The following ARHGAP15 variants were observed in gnomAD, a reference collection of about 807,000 sequenced individuals.
ARHGAP15 encodes the protein rho GTPase-activating protein 15.
In ARHGAP15, 51 loss-of-function variants were observed where a neutral mutation model predicts 63.7. The ratio of observed to expected loss-of-function variants is 0.80; its 90% CI spans 0.64 to 1.01. The LOEUF (loss-of-function observed/expected upper bound fraction) is 1.01, where lower values mean the gene tolerates loss of function less well. ARHGAP15 is among the 50% of genes least tolerant of loss of function. ARHGAP15 has a pLI of 0.00. For missense variants in ARHGAP15, 560 were observed against 564.6 expected, an observed-to-expected ratio of 0.99 and a Z score of 0.08; for synonymous variants, 191 against 193.8, an observed-to-expected ratio of 0.99 and a Z score of 0.12.
At chr2:143,330,080 G>T in intron 6 of ARHGAP15, among the ~76,000 whole-genome samples, 1 of 62,634 alleles carries the variant, frequency 1.6e-5, no homozygotes, top group Admixed American at 2.1e-4. Context: ...GGGTGACAGA[G>T]CAAGGCTCTG....
chr2:143,760,470 T>C (rs1234864716), intron 13 of ARHGAP15, among the ~76,000 whole-genome samples: 1 of 152,204 alleles, frequency 6.6e-6, no homozygotes, highest in Non-Finnish European at 1.5e-5. Flanking sequence ...AAATAAATTA[T>C]AAATTGAAGC....
At chr2:143,515,066 G>A (rs1693751193) in intron 9 of ARHGAP15, among the ~76,000 whole-genome samples, 1 of 152,128 alleles carries the variant, frequency 6.6e-6, no homozygotes, top group South Asian at 2.1e-4. Context: ...AAGAAGGATT[G>A]TGCACAGTGA....
intron 11 of ARHGAP15, among the ~76,000 whole-genome samples, chr2:143,600,344 C>T (rs1325637055): frequency 1.3e-5 from 2 of 152,132 alleles, no homozygotes; most frequent in Admixed American, 1.3e-4. Flanking sequence ...CACAGGGCCA[C>T]ATACTGTATT....
At chr2:143,397,320 GT>G (rs1687808168) in intron 6 of ARHGAP15, among the ~76,000 whole-genome samples, 2 of 141,194 alleles carry the variant, frequency 1.4e-5, no homozygotes, top group Admixed American at 7.6e-5. Flanking sequence ...ATATGTATGT[GT>G]GTGTGTGTGT....
At position 143,250,735 on chromosome 2, in the gene ARHGAP15, C is replaced by A. The variant is rs1478528361; in HGVS notation, c.474+135C>A. ...GTTGTCTGAAGGTCATGAAAGGCGA[C>A]TCCTCTTCCCAGTTGAATCTTTGGT... On this transcript the variant is annotated intron_variant, in intron 6 of 13. Transcript: ENST00000295095. 1.1e-5 allele frequency: 7 copies of A among 653,486 alleles called. No homozygotes were observed. The Admixed American group carries it at 1.2e-4, about 12-fold the overall frequency. 40.5% of individuals were successfully genotyped at this position (653,486 alleles called of 1,614,324 possible).
At chr2:143,723,521 C>A (rs1488967226) in intron 13 of ARHGAP15, among the ~76,000 whole-genome samples, 1 of 152,136 alleles carries the variant, frequency 6.6e-6, no homozygotes, top group East Asian at 1.9e-4. Flanking sequence ...ATATGAATCT[C>A]CACAAAGGAC....
chr2:143,419,529 G>A (rs1474562367), intron 6 of ARHGAP15, among the ~76,000 whole-genome samples: 8 of 151,650 alleles, frequency 5.3e-5, no homozygotes, highest in African/African-American at 1.5e-4. Flanking sequence ...CAAAATGTTA[G>A]GAAGTCATTA....
At chr2:143,674,984 G>A (rs1471359126) in intron 12 of ARHGAP15, among the ~76,000 whole-genome samples, 5 of 152,148 alleles carry the variant, frequency 3.3e-5, no homozygotes, top group Admixed American at 6.5e-5. Flanking sequence ...TTGCTCTAGC[G>A]TGCAGTGCCG....
intron 6 of ARHGAP15, among the ~76,000 whole-genome samples, chr2:143,302,528 T>G (rs1033518946): frequency 6.6e-6 from 1 of 152,010 alleles, no homozygotes; most frequent in Non-Finnish European, 1.5e-5. Context: ...CTTATTTAAC[T>G]TAGTGGCACA....
At chr2:143,516,316 T>C (rs1246799681) in intron 9 of ARHGAP15, among the ~76,000 whole-genome samples, 1 of 152,218 alleles carries the variant, frequency 6.6e-6, no homozygotes, top group Non-Finnish European at 1.5e-5. Flanking sequence ...TGCTGTTGTC[T>C]GTATCTTCTC....
At chr2:143,208,584 C>T (rs73962374) in intron 3 of ARHGAP15, among the ~76,000 whole-genome samples, 3,654 of 152,126 alleles carry the variant, frequency 0.024, 156 homozygotes, top group African/African-American at 0.083. Context: ...CATAGGGTTT[C>T]GGTAGAAGAG....
At chr2:143,269,913 A>G (rs1007990795) in intron 6 of ARHGAP15, among the ~76,000 whole-genome samples, 21 of 152,288 alleles carry the variant, frequency 1.4e-4, no homozygotes, top group African/African-American at 4.6e-4. Flanking sequence ...AATGAGGTAC[A>G]TATGTTTTGT....
chr2:143,385,969 C>CATAAATAAATACT (rs1687271012), intron 6 of ARHGAP15, among the ~76,000 whole-genome samples: 1 of 152,062 alleles, frequency 6.6e-6, no homozygotes, highest in Non-Finnish European at 1.5e-5. Context: ...CTCTGAACTA[C>CATAAATAAATACT]ATAAATAAAT....
intron 8 of ARHGAP15, 42 bp from the exon 9 acceptor site, chr2:143,487,331 G>T (rs1251309432): frequency 4.4e-6 from 7 of 1,581,066 alleles, no homozygotes; most frequent in African/African-American, 1.4e-5. Flanking sequence ...TAATCATAAA[G>T]GAGAAATTTA....
chr2:143,751,224 C>T lies in ARHGAP15; in HGVS notation c.1245-16765C>T, dbSNP rs114892521. Among the ~76,000 whole-genome samples the T allele has an allele frequency of 2.4e-3, 373 of 152,270 alleles. 4 individuals are homozygous for T. The highest frequency in any genetic ancestry group is 0.019 in the South Asian group (90 of 4,826). On this transcript the variant is annotated intron_variant, in intron 13 of 13. Coordinates refer to ENST00000295095, the MANE Select transcript of ARHGAP15 (RefSeq NM_018460.4). Reference sequence around the variant, plus strand: ...ATCCAGGGCCCATCACAGTTGTCTCCGGGAGGATGAAGATGGCTTGGCCTT... The same window carrying T: ...ATCCAGGGCCCATCACAGTTGTCTCTGGGAGGATGAAGATGGCTTGGCCTT...
chr2:143,220,031 T>C lies in ARHGAP15; in HGVS notation c.296+3586T>C, dbSNP rs1046245098. Among the ~76,000 whole-genome samples, 14 of 152,296 alleles carry C rather than the reference T, an allele frequency of 9.2e-5. No homozygotes were observed. The East Asian group carries it at 2.3e-3, about 25-fold the overall frequency. ...TTTTATTGTAAATACAAATTGAACA[T>C]TGTATATGTAATCACCATGTTTAAG... On this transcript the variant is annotated intron_variant, in intron 4 of 13. Transcript: ENST00000295095.
chr2:143,374,484 A>G (rs1686716305), intron 6 of ARHGAP15, among the ~76,000 whole-genome samples: 1 of 151,952 alleles, frequency 6.6e-6, no homozygotes, highest in South Asian at 2.1e-4. Context: ...CTATGACCAT[A>G]GTAGGTTGTT....
intron 6 of ARHGAP15, among the ~76,000 whole-genome samples, chr2:143,416,351 G>A (rs978181779): frequency 6.6e-6 from 1 of 152,152 alleles, no homozygotes; most frequent in Non-Finnish European, 1.5e-5. Context: ...TCAATAAATA[G>A]CACTTTCTCT....
chr2:143,545,293 C>A (rs1239084816), intron 10 of ARHGAP15, among the ~76,000 whole-genome samples: 1 of 152,086 alleles, frequency 6.6e-6, no homozygotes, highest in Non-Finnish European at 1.5e-5. Context: ...CCCCAAAGAT[C>A]AAAAGTTATG....
Sources: gnomAD v4.1 joint callset for allele counts (sites outside exome capture counted in the v4.1 genomes callset) on GRCh38, gnomAD v4.1.1 for gene constraint, MANE v1.5 for transcripts, NCBI Gene and HGNC (gene_info 2026-07-23, HGNC 2026-07-21) for gene names.